The following THY1 variants were observed in gnomAD, a reference collection of about 807,000 sequenced individuals.
THY1 encodes Thy-1 cell surface antigen.
Under a neutral mutation model 14.9 loss-of-function variants are expected in THY1, and 10 were observed. The ratio of observed to expected loss-of-function variants is 0.67; its 90% CI spans 0.41 to 1.14. THY1 has a LOEUF of 1.14. Ranked by LOEUF, THY1 falls within the 50% of genes most tolerant of loss-of-function variation. The pLI is 0.00. For synonymous variants in THY1, 80 were observed against 90.0 expected (o/e 0.89, Z 0.63); for missense variants, 159 against 202.1 (o/e 0.79, Z 1.29).
rs12291644 is a variant in THY1, at chr11:119,419,133, C to T, written c.*275G>A. On this transcript the variant is annotated 3_prime_UTR_variant, in exon 4 of 4. Transcript: ENST00000284240. The stretch of plus-strand genomic sequence containing the variant: ...CCTGGCTTCCCTCTTCACGAACTCT[C>T]AAAGAAAAGGAAGGATAAAACCTAA... 0.013 allele frequency: 5,397 copies of T among 427,226 alleles called. 243 individuals are homozygous for T. Among genetic ancestry groups the T allele is most frequent in the African/African-American group, 0.097 (4,769 of 49,276 alleles). 26.5% of individuals were successfully genotyped at this position (427,226 alleles called of 1,614,324 possible).
upstream of THY1, chr11:119,423,916 C>G (rs1456705847): frequency 6.6e-6 from 1 of 152,466 alleles, no homozygotes; most frequent in Admixed American, 6.5e-5. Context: ...GTTTGGTCTT[C>G]AGACCAGGAA....
chr11:119,423,389 G>A (rs1864291), upstream of THY1: 2,472 of 358,374 alleles, frequency 6.9e-3, 53 homozygotes, highest in African/African-American at 0.049. Context: ...GCCTGGCCAG[G>A]GACGGGAGGG....
rs1861869289 is a variant in THY1 at position 119,420,175 on chromosome 11, T to C, written c.249A>G (p.Lys83=). The C allele has an allele frequency of 4.3e-6, 7 of 1,614,234 alleles. No homozygotes were observed. The highest frequency in any genetic ancestry group is 5.9e-6 in the Non-Finnish European group (7 of 1,180,030). ...ATAAGTAGAGGACCTTCATGTTGTA[T>C]TTGCTGGTGAAGTTGGTTCGGGAGC... ...TYRSRTNFTS[K]YNMKVLYLSA... is the part of the protein sequence containing the mutation. Residue 83 remains lysine (K), a synonymous_variant, in exon 3 of 4, where the codon AAA becomes AAG. Transcript: ENST00000284240.
chr11:119,419,104 C>T lies in THY1; in HGVS notation c.*304G>A, dbSNP rs1239990452. Reference sequence around the variant, plus strand: ...ATGCTCTCACTCTCCATCAGGTCCCCAATCCTGGCTTCCCTCTTCACGAAC... The same window carrying T: ...ATGCTCTCACTCTCCATCAGGTCCCTAATCCTGGCTTCCCTCTTCACGAAC... On this transcript the variant is annotated 3_prime_UTR_variant, in exon 4 of 4. Coordinates refer to ENST00000284240, the MANE Select transcript of THY1 (RefSeq NM_006288.5). The T allele has an allele frequency of 2.6e-5, 10 of 381,420 alleles. No individual in the cohort carries two copies. The highest frequency in any genetic ancestry group is 4.6e-5 in the Non-Finnish European group (9 of 196,878). 23.6% of individuals were successfully genotyped at this position (381,420 alleles called of 1,614,324 possible). A position where few individuals can be genotyped will look rare whatever the true frequency, so the allele number is the denominator to read the frequency against.
At position 119,415,925 on chromosome 11, in the gene THY1, G is replaced by A. The variant is rs1198014269; in HGVS notation, c.*3483C>T. On this transcript the variant is annotated 3_prime_UTR_variant, in exon 4 of 4. Coordinates refer to ENST00000284240, the MANE Select transcript of THY1 (RefSeq NM_006288.5). ...ATTTACTCTTGACTTGGGTTTGTTT[G>A]TTTCACATGTAAAGACACCTTCACA... Among the ~76,000 whole-genome samples the A allele has an allele frequency of 6.6e-6, 1 of 152,138 alleles. No homozygotes were observed. The highest frequency in any genetic ancestry group is 1.5e-5 in the Non-Finnish European group (1 of 68,028).
In THY1 at chr11:119,416,663, T is replaced by C. The variant is rs971912626; in HGVS notation, c.*2745A>G. Among the ~76,000 whole-genome samples, 1 of 152,104 alleles carries C rather than the reference T, an allele frequency of 6.6e-6. No individual in the cohort carries two copies. Among genetic ancestry groups the C allele is most frequent in the Non-Finnish European group, 1.5e-5 (1 of 67,988 alleles). ...CTAATTTTTGTATTTTTAGTAGAGA[T>C]AGGGTTTCGAGGCTAGTCTCGAACT... On this transcript the variant is annotated 3_prime_UTR_variant, in exon 4 of 4. Transcript: ENST00000284240.
At chr11:119,420,635 G>C in intron 2 of THY1, 1 of 640,832 alleles carries the variant, frequency 1.6e-6, no homozygotes, top group Admixed American at 2.9e-5. Context: ...CTGGTTCCGG[G>C]TTCTCAGTTG....
rs2135431479 is a variant in THY1, at chr11:119,417,108, A to G, written c.*2300T>C. On this transcript the variant is annotated 3_prime_UTR_variant, in exon 4 of 4. Coordinates refer to ENST00000284240, the MANE Select transcript of THY1 (RefSeq NM_006288.5). Reference sequence around the variant, plus strand: ...GCACCCCACATTTCTCTGGCATTTGATCTCCCTTCCCCCACAGCAGCTCTT... The same window carrying G: ...GCACCCCACATTTCTCTGGCATTTGGTCTCCCTTCCCCCACAGCAGCTCTT... Among the ~76,000 whole-genome samples the G allele has an allele frequency of 6.6e-6, 1 of 152,282 alleles. No homozygotes were observed. Among genetic ancestry groups the G allele is most frequent in the South Asian group, 2.1e-4 (1 of 4,822 alleles).
Position 119,423,083 on chromosome 11 carries a change from G to A in THY1, c.-25+30C>T, listed in dbSNP as rs1283695050. Reference sequence around the variant, plus strand: ...ATGGGCGCCTGACGGCGGTCCCCGAGCCCCAGGTCCCACCGGCTCCAGTTC... The same window carrying A: ...ATGGGCGCCTGACGGCGGTCCCCGAACCCCAGGTCCCACCGGCTCCAGTTC... On this transcript the variant is annotated intron_variant, in intron 1 of 3. Coordinates refer to ENST00000284240, the MANE Select transcript of THY1 (RefSeq NM_006288.5). The A allele has an allele frequency of 2.0e-5, 9 of 455,952 alleles. No homozygotes were observed. In the East Asian group the frequency reaches 4.9e-4, roughly 25 times the overall value. 28.2% of individuals were successfully genotyped at this position (455,952 alleles called of 1,614,324 possible). A position where few individuals can be genotyped will look rare whatever the true frequency, so the allele number is the denominator to read the frequency against.
chr11:119,420,146 G>A lies in THY1; in HGVS notation c.278C>T (p.Ala93Val), dbSNP rs765061741. Reference protein sequence around the residue: ...KYNMKVLYLSAFTSKDEGTYT... With the variant: ...KYNMKVLYLSVFTSKDEGTYT... ...GGTGCCCTCGTCCTTGCTAGTGAAG[G>A]CGGATAAGTAGAGGACCTTCATGTT... Residue 93 changes from alanine to valine, a missense_variant, in exon 3 of 4, where the codon GCC (alanine) becomes GTC (valine). Coordinates refer to ENST00000284240, the MANE Select transcript of THY1 (RefSeq NM_006288.5). The A allele has an allele frequency of 2.0e-5, 33 of 1,614,252 alleles. No individual in the cohort carries two copies. Among genetic ancestry groups the A allele is most frequent in the Non-Finnish European group, 2.6e-5 (31 of 1,180,050 alleles).
At chr11:119,419,872 C>T in intron 3 of THY1, 179 bp downstream of exon 3, 2 of 722,206 alleles carry the variant, frequency 2.8e-6, no homozygotes, top group Non-Finnish European at 4.5e-6. Flanking sequence ...CTGTCTGGCC[C>T]TGAGCTCTTC....
At chr11:119,423,397 G>A (rs554689584), upstream of THY1, 3 of 358,236 alleles carry the variant, frequency 8.4e-6, no homozygotes, top group East Asian at 2.2e-4. Flanking sequence ...AGGGACGGGA[G>A]GGTTCGGGAC....
At chr11:119,420,551 C>T (rs1861880174) in intron 2 of THY1, 165 bp from the exon 3 acceptor site, 5 of 687,850 alleles carry the variant, frequency 7.3e-6, no homozygotes, top group Admixed American at 2.9e-5. Context: ...AGACCCCAGC[C>T]TCCCTCCCCA....
At position 119,420,493 on chromosome 11, in the gene THY1, G is replaced by A. The variant is rs150320161; in HGVS notation, c.38-107C>T. 3.4e-4 allele frequency: 382 copies of A among 1,111,852 alleles called. 5 individuals carry two copies. In the East Asian group the frequency reaches 9.4e-3, roughly 27 times the overall value. 68.9% of individuals were successfully genotyped at this position (1,111,852 alleles called of 1,614,324 possible). ...CTGGCTAGGGAGGGGACCGGGGTCT[G>A]CTCTCTGAGTGCCTTTCCCCACCCC... On this transcript the variant is annotated intron_variant, in intron 2 of 3. Transcript: ENST00000284240.
At position 119,416,672 on chromosome 11, in the gene THY1, G is replaced by A. The variant is rs1861784299; in HGVS notation, c.*2736C>T. On this transcript the variant is annotated 3_prime_UTR_variant, in exon 4 of 4. Transcript: ENST00000284240. ...GTATTTTTAGTAGAGATAGGGTTTC[G>A]AGGCTAGTCTCGAACTCCTGACCTC... Among the ~76,000 whole-genome samples, 2 of 152,058 alleles carry A rather than the reference G, an allele frequency of 1.3e-5. No individual in the cohort carries two copies. Among genetic ancestry groups the A allele is most frequent in the South Asian group, 4.1e-4 (2 of 4,830 alleles).
intron 3 of THY1, 58 bp downstream of exon 3, chr11:119,419,993 T>C: frequency 6.5e-7 from 1 of 1,539,334 alleles, no homozygotes; most frequent in South Asian, 1.2e-5. Flanking sequence ...GGGAACTGCC[T>C]GCTGTCCCCG....
At chr11:119,420,004 A>G in intron 3 of THY1, 47 bp downstream of exon 3, 2 of 1,570,558 alleles carry the variant, frequency 1.3e-6, no homozygotes, top group Non-Finnish European at 1.7e-6. Flanking sequence ...GCTGTCCCCG[A>G]GCCTGGCTCT....
At position 119,416,142 on chromosome 11, in the gene THY1, C is replaced by T. The variant is rs1255882771; in HGVS notation, c.*3266G>A. Among the ~76,000 whole-genome samples, 3 of 152,170 alleles carry T rather than the reference C, an allele frequency of 2.0e-5. No homozygotes were observed. On this transcript the variant is annotated 3_prime_UTR_variant, in exon 4 of 4. Transcript: ENST00000284240. ...TGCAGACATTGCGCGTCTCAGTGGACAATCCAGTCCAGAAATGGGGGTGCA... is the reference window on the plus strand; with the variant it reads ...TGCAGACATTGCGCGTCTCAGTGGATAATCCAGTCCAGAAATGGGGGTGCA...
At position 119,422,109 on chromosome 11, in the gene THY1, G is replaced by A. The variant is rs1334235246; in HGVS notation, c.-25+1004C>T. The A allele has an allele frequency of 1.3e-5, 2 of 152,314 alleles. No individual in the cohort carries two copies. Among genetic ancestry groups the A allele is most frequent in the African/African-American group, 4.8e-5 (2 of 41,472 alleles). The allele number at this position is 152,314 out of a possible 1,614,324, so 9.4% of individuals were successfully genotyped here. On this transcript the variant is annotated intron_variant, in intron 1 of 3. Coordinates refer to ENST00000284240, the MANE Select transcript of THY1 (RefSeq NM_006288.5). The surrounding 1 kb of genome is among the most constrained non-coding windows in gnomAD (Gnocchi z 7.0). ...TCGGTTGAGTGCGCCCGGGTGCGCA[G>A]GGCGCACCACTAGACGAGTTCAGGG...
Sources: allele counts gnomAD v4.1 joint callset (sites outside exome capture counted in the v4.1 genomes callset), GRCh38; gene constraint gnomAD v4.1.1; non-coding constraint Gnocchi (gnomAD v3.1); transcripts MANE v1.5; gene names NCBI Gene and HGNC (gene_info 2026-07-23, HGNC 2026-07-21).